PREX2: variants seen among roughly 807,000 people sequenced by gnomAD.
The protein encoded by PREX2 is phosphatidylinositol 3,4,5-trisphosphate-dependent Rac exchanger 2 protein.
PREX2 carries 107 observed loss-of-function variants against 203.2 expected under a neutral mutation model. That is an observed-to-expected ratio of 0.53 (90% CI 0.45 to 0.62). The LOEUF (loss-of-function observed/expected upper bound fraction) is 0.62, where lower values mean the gene tolerates loss of function less well. Ranked by LOEUF, PREX2 falls within the 20% of genes least tolerant of loss-of-function variation. The pLI is 0.00. For missense variants in PREX2, 1,777 were observed against 1,955.9 expected (o/e 0.91, Z 1.72); for synonymous variants, 672 against 663.6 (o/e 1.01, Z -0.19).
At chr8:68,019,988 AG>A (rs1411216874) in intron 3 of PREX2, among the ~76,000 whole-genome samples, 1 of 152,234 alleles carries the variant, frequency 6.6e-6, no homozygotes, top group African/African-American at 2.4e-5. Context: ...TCTCAAACAT[AG>A]AGCATTTTTC....
intron 37 of PREX2, among the ~76,000 whole-genome samples, chr8:68,197,749 ATATATATGCTATAT>A (rs1812427030): frequency 6.7e-6 from 1 of 148,258 alleles, no homozygotes; most frequent in African/African-American, 2.5e-5. Flanking sequence ...TATATGCTAT[ATATATATGCTATAT>A]TATATATATG....
chr8:68,235,931 C>T lies in PREX2; in HGVS notation c.*4553C>T, dbSNP rs935482785. The T allele has an allele frequency of 1.3e-5, 2 of 152,014 alleles. No homozygotes were observed. Among genetic ancestry groups the T allele is most frequent in the African/African-American group, 4.8e-5 (2 of 41,392 alleles). 9.4% of individuals were successfully genotyped at this position (152,014 alleles called of 1,614,324 possible). On this transcript the variant is annotated 3_prime_UTR_variant, in exon 40 of 40. Coordinates refer to ENST00000288368, the MANE Select transcript of PREX2 (RefSeq NM_024870.4). Reference sequence around the variant, plus strand: ...TTCACTCAGGATAGCTTGCTCCTCTCGCTGAGAAGAGATACCTGAAGTCTA... The same window carrying T: ...TTCACTCAGGATAGCTTGCTCCTCTTGCTGAGAAGAGATACCTGAAGTCTA...
chr8:68,207,329 G>A (rs1446147316), intron 37 of PREX2, among the ~76,000 whole-genome samples: 2 of 152,140 alleles, frequency 1.3e-5, no homozygotes, highest in African/African-American at 4.8e-5. Context: ...TCTCCATAAT[G>A]CATTGATCAC....
At position 68,093,640 on chromosome 8, in the gene PREX2, G is replaced by A; in HGVS notation, c.2286G>A (p.Glu762=). Residue 762 remains glutamate (E), a synonymous_variant, in exon 21 of 40, where the codon GAG becomes GAA. Coordinates refer to ENST00000288368, the MANE Select transcript of PREX2 (RefSeq NM_024870.4). ...TACAATGGGTTTATAATAGCATTGA[G>A]AGTGCTCAAGAAGACCTTCAAAAAT... The part of the protein sequence containing the change: ...DSIQWVYNSI[E]SAQEDLQKSH... The A allele has an allele frequency of 6.2e-7, 1 of 1,609,314 alleles. No homozygotes were observed. The highest frequency in any genetic ancestry group is 8.5e-7 in the Non-Finnish European group (1 of 1,176,036).
At chr8:68,205,478 AGGTC>A (rs1812604379) in intron 37 of PREX2, among the ~76,000 whole-genome samples, 5 of 152,188 alleles carry the variant, frequency 3.3e-5, no homozygotes, top group Non-Finnish European at 7.3e-5. Context: ...GAAAGTCAAT[AGGTC>A]AGCTGCAGGC....
intron 1 of PREX2, among the ~76,000 whole-genome samples, chr8:67,965,302 A>G (rs1007600877): frequency 1.3e-5 from 2 of 152,136 alleles, no homozygotes; most frequent in Non-Finnish European, 2.9e-5. Flanking sequence ...TGCTATTTTC[A>G]GCTTAATTTA....
At chr8:68,170,794 C>T (rs1811861169) in intron 35 of PREX2, among the ~76,000 whole-genome samples, 1 of 152,096 alleles carries the variant, frequency 6.6e-6, no homozygotes, top group South Asian at 2.1e-4. Context: ...TCTCTCTGGC[C>T]ATGAGCTATC....
At chr8:68,127,487 A>C (rs1585814553) in intron 31 of PREX2, 68 bp downstream of exon 31, 1 of 1,073,786 alleles carries the variant, frequency 9.3e-7, no homozygotes, top group Non-Finnish European at 1.4e-6. Context: ...AAAGGCCTTG[A>C]AATTTGAGGA....
At chr8:68,170,856 A>G (rs1306613011) in intron 35 of PREX2, among the ~76,000 whole-genome samples, 2 of 152,072 alleles carry the variant, frequency 1.3e-5, no homozygotes, top group Non-Finnish European at 2.9e-5. Context: ...ATATATCTTT[A>G]CCAAACCCAT....
In PREX2 at chr8:68,224,560, G is replaced by A; in HGVS notation, c.4709G>A (p.Gly1570Glu). ...MQATDVMRKQ[G>E]ARVQNTAKNL... is the part of the protein sequence containing the mutation. ...AAAAGTGATTTTCCTGACTTTCAGG[G>A]AGCAAGAGTTCAGAACACAGCGAAG... is the stretch of plus-strand genomic sequence containing the variant. Residue 1570 changes from glycine (G) to glutamate (E), a missense_variant and splice_region_variant, in exon 39 of 40, where the codon GGA (glycine) becomes GAA (glutamate). Coordinates refer to ENST00000288368, the MANE Select transcript of PREX2 (RefSeq NM_024870.4). The A allele has an allele frequency of 6.2e-7, 1 of 1,613,362 alleles. No homozygotes were observed. Among genetic ancestry groups the A allele is most frequent in the Non-Finnish European group, 8.5e-7 (1 of 1,179,516 alleles).
intron 4 of PREX2, among the ~76,000 whole-genome samples, chr8:68,026,962 C>A (rs1807735353): frequency 6.6e-6 from 1 of 152,072 alleles, no homozygotes. Flanking sequence ...CCATCTCTTT[C>A]CCATCTCTTT....
At chr8:67,956,971 G>A (rs1213199376) in intron 1 of PREX2, among the ~76,000 whole-genome samples, 1 of 152,142 alleles carries the variant, frequency 6.6e-6, no homozygotes, top group African/African-American at 2.4e-5. Flanking sequence ...TTCATTCGTA[G>A]AAGGGAGAAC....
chr8:68,027,402 T>A, intron 5 of PREX2, 79 bp downstream of exon 5: 1 of 948,688 alleles, frequency 1.1e-6, no homozygotes, highest in Non-Finnish European at 1.7e-6. Flanking sequence ...AAAATTATTT[T>A]AATGAGTCTG....
intron 14 of PREX2, among the ~76,000 whole-genome samples, chr8:68,076,062 C>T (rs550202828): frequency 6.6e-6 from 1 of 152,234 alleles, no homozygotes; most frequent in African/African-American, 2.4e-5. Context: ...TAGCATAAAA[C>T]CAAGATATGG....
chr8:68,231,614 T>C lies in PREX2; in HGVS notation c.*236T>C, dbSNP rs775716406. On this transcript the variant is annotated 3_prime_UTR_variant, in exon 40 of 40. Transcript: ENST00000288368. ...AGCTTCACGAACTGATGTCTCTCTG[T>C]ATTGACATTAAGTATTCACTTTTAG... 3 of 374,012 alleles carry C rather than the reference T, an allele frequency of 8.0e-6. No homozygotes were observed. The highest frequency in any genetic ancestry group is 1.4e-5 in the Non-Finnish European group (3 of 211,504). The allele number at this position is 374,012 out of a possible 1,614,324, so 23.2% of individuals were successfully genotyped here.
chr8:68,105,914 T>G (rs978575535), intron 23 of PREX2: 1 of 158,918 alleles, frequency 6.3e-6, no homozygotes, highest in Non-Finnish European at 1.4e-5. Flanking sequence ...ACATGTATTA[T>G]ATATATGGCA....
rs1809150369 is a variant in PREX2 at position 68,069,992 on chromosome 8, C to T, written c.1493+108C>T. 4 of 551,650 alleles carry T rather than the reference C, an allele frequency of 7.3e-6. No individual in the cohort carries two copies. The East Asian group carries it at 1.2e-4, about 16-fold the overall frequency. 34.2% of individuals were successfully genotyped at this position (551,650 alleles called of 1,614,324 possible). A position where few individuals can be genotyped will look rare whatever the true frequency, so the allele number is the denominator to read the frequency against. On this transcript the variant is annotated intron_variant, in intron 13 of 39. Transcript: ENST00000288368. Reference sequence around the variant, plus strand: ...TGTTGGCTTATTTTGTTTTTTTTCACTTTACTTTAAAATATTATTTTAAGG... The same window carrying T: ...TGTTGGCTTATTTTGTTTTTTTTCATTTTACTTTAAAATATTATTTTAAGG...
intron 19 of PREX2, 58 bp from the exon 20 acceptor site, chr8:68,090,521 A>G: frequency 6.8e-7 from 1 of 1,480,288 alleles, no homozygotes; most frequent in Non-Finnish European, 9.3e-7. Flanking sequence ...TATATATCAT[A>G]CAAATGAATC....
intron 22 of PREX2, among the ~76,000 whole-genome samples, chr8:68,097,664 T>G (rs1810126326): frequency 6.6e-6 from 1 of 152,196 alleles, no homozygotes; most frequent in Non-Finnish European, 1.5e-5. Context: ...CTCCACTATT[T>G]GGTATGCATA....
Sources: allele counts gnomAD v4.1 joint callset (sites outside exome capture counted in the v4.1 genomes callset), GRCh38; gene constraint gnomAD v4.1.1; transcripts MANE v1.5; gene names NCBI Gene and HGNC (gene_info 2026-07-23, HGNC 2026-07-21).